Variants in CCSER1 observed in about 807,000 individuals in gnomAD.
The protein encoded by CCSER1 is coiled-coil serine rich protein 1.
In CCSER1, 41 loss-of-function variants were observed where a neutral mutation model predicts 82.0. The ratio of observed to expected loss-of-function variants is 0.50; its 90% CI spans 0.39 to 0.65. CCSER1 has a LOEUF of 0.65. CCSER1 is among the 30% of genes least tolerant of loss of function. CCSER1 has a pLI of 0.00. For missense variants in CCSER1, 1,119 were observed against 1,064.2 expected (o/e 1.05, Z -0.72); for synonymous variants, 414 against 383.9 (o/e 1.08, Z -0.92).
chr4:91,378,844 T>G (rs1008858025), intron 10 of CCSER1, among the ~76,000 whole-genome samples: 1 of 152,196 alleles, frequency 6.6e-6, no homozygotes, highest in Non-Finnish European at 1.5e-5. Flanking sequence ...TCAAAGGGAA[T>G]GCTTCCAGTT....
chr4:91,211,895 TA>T (rs1408552148), intron 10 of CCSER1, among the ~76,000 whole-genome samples: 3 of 152,024 alleles, frequency 2.0e-5, no homozygotes, highest in African/African-American at 4.8e-5. Context: ...ATTATTAGTT[TA>T]AAAAAATTTG....
intron 8 of CCSER1, among the ~76,000 whole-genome samples, chr4:90,887,120 T>C (rs1722245653): frequency 6.6e-6 from 1 of 152,176 alleles, no homozygotes; most frequent in South Asian, 2.1e-4. Flanking sequence ...ATCAGGTTTC[T>C]GGTTATGTGA....
chr4:90,409,727 G>A (rs968836767), intron 4 of CCSER1, among the ~76,000 whole-genome samples: 1 of 152,108 alleles, frequency 6.6e-6, no homozygotes, highest in Non-Finnish European at 1.5e-5. Context: ...ATCAACTAAA[G>A]AGCAAAATAA....
chr4:90,953,957 A>C (rs1253632498), intron 9 of CCSER1, among the ~76,000 whole-genome samples: 1 of 152,022 alleles, frequency 6.6e-6, no homozygotes, highest in African/African-American at 2.4e-5. Flanking sequence ...AGAGGTTCAT[A>C]AATTTTTCTT....
intron 1 of CCSER1, among the ~76,000 whole-genome samples, chr4:90,217,548 G>A (rs929361673): frequency 3.9e-5 from 6 of 152,058 alleles, no homozygotes; most frequent in African/African-American, 1.2e-4. Context: ...AAGAGAGATA[G>A]GCTGACTTCT....
At chr4:90,426,142 G>A (rs373744417) in intron 4 of CCSER1, among the ~76,000 whole-genome samples, 21 of 152,248 alleles carry the variant, frequency 1.4e-4, no homozygotes, top group African/African-American at 4.8e-4. Flanking sequence ...TGGCAGAGTA[G>A]GGAGTCAGTG....
chr4:91,416,673 C>A (rs1398764842), intron 10 of CCSER1, among the ~76,000 whole-genome samples: 1 of 152,084 alleles, frequency 6.6e-6, no homozygotes, highest in African/African-American at 2.4e-5. Flanking sequence ...GAAACTGGAC[C>A]CCTTCCTTAT....
rs931707322 is a variant in CCSER1, at chr4:90,943,904, T to C, written c.2172+20457T>C. ...TACTTTTGTATCGGAAGGTAAACTT[T>C]AGAAAACAAGTAAGCAATTTGTATT... On this transcript the variant is annotated intron_variant, in intron 9 of 10. Coordinates refer to ENST00000509176, the MANE Select transcript of CCSER1 (RefSeq NM_001145065.2). 3.4e-4 allele frequency among the ~76,000 whole-genome samples: 51 copies of C among 151,422 alleles called. 1 individual carries two copies. The highest frequency in any genetic ancestry group is 9.2e-4 in the African/African-American group (38 of 41,316).
intron 10 of CCSER1, among the ~76,000 whole-genome samples, chr4:91,513,466 G>A (rs1376717251): frequency 2.0e-5 from 3 of 152,110 alleles, no homozygotes; most frequent in Non-Finnish European, 4.4e-5. Context: ...TCATAGTGAT[G>A]CTGGCTTTGT....
chr4:90,551,702 CTCTCTA>C (rs1370800549), intron 5 of CCSER1, among the ~76,000 whole-genome samples: 19 of 114,004 alleles, frequency 1.7e-4, no homozygotes, highest in African/African-American at 3.9e-4. Context: ...CTCTCTCTCT[CTCTCTA>C]TATATATATA....
intron 5 of CCSER1, among the ~76,000 whole-genome samples, chr4:90,597,465 T>C (rs1202145499): frequency 6.6e-6 from 1 of 152,054 alleles, no homozygotes; most frequent in Non-Finnish European, 1.5e-5. Flanking sequence ...TTTTGACATA[T>C]AGACCCATGA....
chr4:91,394,312 G>T (rs1355714899), intron 10 of CCSER1, among the ~76,000 whole-genome samples: 2 of 151,916 alleles, frequency 1.3e-5, no homozygotes, highest in Non-Finnish European at 2.9e-5. Context: ...CCACTGAGAG[G>T]TAATTATTTT....
intron 10 of CCSER1, among the ~76,000 whole-genome samples, chr4:91,186,191 A>G (rs552426620): frequency 6.6e-6 from 1 of 152,300 alleles, no homozygotes; most frequent in South Asian, 2.1e-4. Flanking sequence ...CTTCAAAATA[A>G]TAAGGAGGGG....
At chr4:90,829,483 A>G (rs2149815472) in intron 8 of CCSER1, among the ~76,000 whole-genome samples, 1 of 152,272 alleles carries the variant, frequency 6.6e-6, no homozygotes, top group Non-Finnish European at 1.5e-5. Context: ...TATATTGATG[A>G]AAGTATTGTT....
intron 10 of CCSER1, among the ~76,000 whole-genome samples, chr4:91,215,251 TA>T (rs1182364062): frequency 6.6e-6 from 1 of 152,178 alleles, no homozygotes; most frequent in Non-Finnish European, 1.5e-5. Context: ...TGATAGCTGA[TA>T]AATAGTGTTT....
At chr4:91,182,250 T>C (rs553224896) in intron 10 of CCSER1, among the ~76,000 whole-genome samples, 35 of 152,354 alleles carry the variant, frequency 2.3e-4, no homozygotes, top group African/African-American at 7.9e-4. Context: ...GTCTTGATGG[T>C]ATCCAAATTG....
intron 8 of CCSER1, among the ~76,000 whole-genome samples, chr4:90,858,617 T>C (rs915728443): frequency 5.3e-5 from 8 of 151,962 alleles, no homozygotes; most frequent in Admixed American, 3.3e-4. Context: ...GAAGTGACTT[T>C]TCCACTTCAA....
intron 10 of CCSER1, chr4:91,325,416 G>T: frequency 3.7e-6 from 1 of 266,920 alleles, no homozygotes; most frequent in Non-Finnish European, 7.4e-6. Context: ...GTAGGCAGAA[G>T]TATTTTTAGC....
At chr4:90,878,169 A>G (rs1720640477) in intron 8 of CCSER1, among the ~76,000 whole-genome samples, 1 of 152,110 alleles carries the variant, frequency 6.6e-6, no homozygotes, top group South Asian at 2.1e-4. Context: ...ATTCAGCCAC[A>G]GCTGTATGTT....
Sources: gnomAD v4.1 joint callset for allele counts (sites outside exome capture counted in the v4.1 genomes callset) on GRCh38, gnomAD v4.1.1 for gene constraint, MANE v1.5 for transcripts, NCBI Gene and HGNC (gene_info 2026-07-23, HGNC 2026-07-21) for gene names.